VSTM2A: variants seen among roughly 807,000 people sequenced by gnomAD.
VSTM2A encodes the protein V-set and transmembrane domain containing 2A, also known as V-set and transmembrane domain-containing protein 2A.
Under a neutral mutation model 27.3 loss-of-function variants are expected in VSTM2A, and 13 were observed. The observed-to-expected ratio is 0.48, with a 90% confidence interval of 0.31 to 0.76. The LOEUF (loss-of-function observed/expected upper bound fraction) is 0.76. Ranked by LOEUF, VSTM2A falls within the 30% of genes least tolerant of loss-of-function variation. The pLI is 0.05. For synonymous variants in VSTM2A, 142 were observed against 125.7 expected (o/e 1.13, Z -0.87); for missense variants, 280 against 310.0 (o/e 0.90, Z 0.73).
chr7:54,553,833 T>C (rs662136), intron 4 of VSTM2A: 1,069,281 of 1,550,322 alleles, frequency 0.69, 370,077 homozygotes, highest in Middle Eastern at 0.77. Context: ...ATATACTAAG[T>C]CATTCTCTAC....
chr7:54,565,626 C>T (rs962916990), intron 4 of VSTM2A, among the ~76,000 whole-genome samples: 11 of 152,250 alleles, frequency 7.2e-5, no homozygotes, highest in Middle Eastern at 3.2e-3. Flanking sequence ...GAAGCAGGCC[C>T]TGACCTCTCC....
At chr7:54,550,853 G>T (rs1466018680) in intron 4 of VSTM2A, 11 of 152,596 alleles carry the variant, frequency 7.2e-5, no homozygotes, top group African/African-American at 2.7e-4. Context: ...CAATGGAAAT[G>T]CGTGGAAGTT....
chr7:54,568,822 A>C (rs1360786163), intron 4 of VSTM2A, among the ~76,000 whole-genome samples: 2 of 152,342 alleles, frequency 1.3e-5, no homozygotes, highest in African/African-American at 2.4e-5. Flanking sequence ...AAAACAAACA[A>C]CACCAACTTC....
intron 4 of VSTM2A, chr7:54,554,209 T>C: frequency 7.2e-7 from 1 of 1,386,410 alleles, no homozygotes; most frequent in Non-Finnish European, 9.6e-7. Context: ...CACTCCTTCC[T>C]GACACTCTTA....
chr7:54,544,644 G>C lies in VSTM2A; in HGVS notation c.102G>C (p.Arg34=). Residue 34 remains arginine, a synonymous_variant, in exon 2 of 5, where the codon CGG becomes CGC. Transcript: ENST00000402613. The part of the protein sequence containing the change: ...SSQAKFTEFP[R]NVTATEGQNV... ...CAGCAAAATTTACCGAGTTTCCGCG[G>C]AACGTGACGGCGACCGAGGGGCAGA... 1.2e-6 allele frequency: 2 copies of C among 1,613,010 alleles called. No homozygotes were observed. The highest frequency in any genetic ancestry group is 4.5e-5 in the East Asian group (2 of 44,870).
rs1788824247 is a variant in VSTM2A at position 54,569,417 on chromosome 7, A to G, written c.*198A>G. 2.1e-6 allele frequency: 2 copies of G among 953,314 alleles called. No homozygotes were observed. The highest frequency in any genetic ancestry group is 3.0e-6 in the Non-Finnish European group (2 of 664,554). 59.1% of individuals were successfully genotyped at this position (953,314 alleles called of 1,614,324 possible). On this transcript the variant is annotated 3_prime_UTR_variant, in exon 5 of 5. Transcript: ENST00000402613. ...ACTAAAATCATCTCACTGACTGCTC[A>G]AGGGTTGGCCTGAATGTCATCAGGA...
chr7:54,558,937 A>G (rs1210104290), intron 4 of VSTM2A: 1 of 152,124 alleles, frequency 6.6e-6, no homozygotes, highest in Non-Finnish European at 1.5e-5. Flanking sequence ...TTAAAATTTT[A>G]TTTAAGTAAA....
In VSTM2A at chr7:54,549,864, C is replaced by G; in HGVS notation, c.328C>G (p.His110Asp). 6.2e-7 allele frequency: 1 copy of G among 1,607,290 alleles called. No individual in the cohort carries two copies. The highest frequency in any genetic ancestry group is 8.5e-7 in the Non-Finnish European group (1 of 1,176,502). The change falls in exon 4 of 5, where the codon CAC becomes GAC. Residue 110 changes from histidine (H) to aspartate (D), a missense_variant. His to Asp is a moderately conservative substitution (Grantham distance 81). Coordinates refer to ENST00000402613, the MANE Select transcript of VSTM2A (RefSeq NM_001301009.2). ...GAAAGTCCAAGGCAATGACATCTCC[C>G]ACAAGCTTCAGATTTCCAAAGTGAG... ...TVKVQGNDISHKLQISKVRKK... is the reference protein window; with the variant it reads ...TVKVQGNDISDKLQISKVRKK...
intron 4 of VSTM2A, among the ~76,000 whole-genome samples, chr7:54,563,198 T>C (rs1788615638): frequency 6.6e-6 from 1 of 152,220 alleles, no homozygotes; most frequent in Non-Finnish European, 1.5e-5. Context: ...ATATGAGGAA[T>C]TGCCAGATGA....
chr7:54,558,921 A>G (rs545711391), intron 4 of VSTM2A: 1 of 152,236 alleles, frequency 6.6e-6, no homozygotes, highest in Non-Finnish European at 1.5e-5. Flanking sequence ...ATATTTTGCT[A>G]TAACTTTAAA....
At chr7:54,560,899 C>T (rs1562713401) in intron 4 of VSTM2A, among the ~76,000 whole-genome samples, 1 of 152,088 alleles carries the variant, frequency 6.6e-6, no homozygotes, top group Non-Finnish European at 1.5e-5. Flanking sequence ...CAGTGAAGGG[C>T]TCTGTTATGA....
At chr7:54,555,571 A>T (rs1335515843) in intron 4 of VSTM2A, among the ~76,000 whole-genome samples, 1 of 152,150 alleles carries the variant, frequency 6.6e-6, no homozygotes, top group Non-Finnish European at 1.5e-5. Flanking sequence ...AGTTCTCAGC[A>T]ATTTGTTTAT....
chr7:54,550,272 A>T, intron 4 of VSTM2A, 102 bp downstream of exon 4: 1 of 1,516,302 alleles, frequency 6.6e-7, no homozygotes, highest in Non-Finnish European at 8.8e-7. Context: ...TGATTTTTAA[A>T]ATCGGAGACC....
chr7:54,556,219 T>C (rs1424915369), intron 4 of VSTM2A, among the ~76,000 whole-genome samples: 2 of 152,238 alleles, frequency 1.3e-5, no homozygotes, highest in Admixed American at 1.3e-4. Context: ...GGAAACTGGC[T>C]GCAGTGAAGG....
At chr7:54,556,376 GAGTGGC>G (rs1041518764) in intron 4 of VSTM2A, among the ~76,000 whole-genome samples, 4 of 152,304 alleles carry the variant, frequency 2.6e-5, no homozygotes, top group African/African-American at 9.6e-5. Context: ...CAGGAGCCAA[GAGTGGC>G]CACTTTCAGC....
chr7:54,544,545 T>C, intron 1 of VSTM2A, 77 bp from the exon 2 acceptor site: 3 of 1,579,704 alleles, frequency 1.9e-6, no homozygotes, highest in Non-Finnish European at 1.7e-6. Flanking sequence ...CCAGGAAAAA[T>C]GTAGCGAGCT....
chr7:54,546,602 A>C, intron 2 of VSTM2A: 1 of 147,626 alleles, frequency 6.8e-6, no homozygotes, highest in Non-Finnish European at 1.4e-5. Context: ...GCGCGTCCGC[A>C]CGGGTCAACC....
chr7:54,560,347 A>C (rs13228895), intron 4 of VSTM2A, among the ~76,000 whole-genome samples: 20,791 of 152,114 alleles, frequency 0.14, 2,579 homozygotes, highest in African/African-American at 0.32. Context: ...GGTGGAGAAC[A>C]TGACCATCAA....
chr7:54,565,087 CTGCACATCTCAATTT>C (rs1788680340), intron 4 of VSTM2A, among the ~76,000 whole-genome samples: 3 of 16,666 alleles, frequency 1.8e-4, no homozygotes, highest in East Asian at 2.5e-3. Flanking sequence ...CAAATGATAG[CTGCACATCTCAATTT>C]AACAAATGTG....
Sources: gnomAD v4.1 joint callset for allele counts (sites outside exome capture counted in the v4.1 genomes callset) on GRCh38, gnomAD v4.1.1 for gene constraint, MANE v1.5 for transcripts, NCBI Gene and HGNC (gene_info 2026-07-23, HGNC 2026-07-21) for gene names.